EFHC2: variants seen among roughly 807,000 people sequenced by gnomAD.
EFHC2 encodes EF-hand domain containing 2, also known as EF-hand domain-containing family member C2.
EFHC2 carries 18 observed loss-of-function variants against 52.7 expected under a neutral mutation model. The observed-to-expected ratio is 0.34, with a 90% confidence interval of 0.24 to 0.51. The LOEUF (loss-of-function observed/expected upper bound fraction) is 0.51, where lower values mean the gene tolerates loss of function less well. EFHC2 is among the 20% of genes least tolerant of loss of function. The pLI is 0.97. For missense variants in EFHC2, 513 were observed against 562.5 expected, an observed-to-expected ratio of 0.91 and a Z score of 0.89; for synonymous variants, 203 against 204.1, an observed-to-expected ratio of 0.99 and a Z score of 0.04.
chrX:44,193,986 G>A (rs1468715191), intron 11 of EFHC2, among the ~76,000 whole-genome samples: 1 of 111,206 alleles, frequency 9.0e-6, no homozygotes, highest in Non-Finnish European at 1.9e-5. Flanking sequence ...TCCATGCAGT[G>A]TTCCAGAGTT....
At chrX:44,218,470 TCTTTA>T (rs1441980155) in intron 11 of EFHC2, among the ~76,000 whole-genome samples, 1 of 112,108 alleles carries the variant, frequency 8.9e-6, no homozygotes, top group Non-Finnish European at 1.9e-5. Flanking sequence ...ATTATTTTTT[TCTTTA>T]CTTTAATATA....
rs1020720608 is a variant in EFHC2 at position 44,265,037 on chromosome X, C to G, written c.383-3739G>C. On this transcript the variant is annotated intron_variant, in intron 3 of 14. Coordinates refer to ENST00000420999, the MANE Select transcript of EFHC2 (RefSeq NM_025184.4). Reference sequence around the variant, plus strand: ...AGCTTTTCCTCATCTTCATGTTTTACATTTCTCTTCCTTTGTAAAAGCCCT... The same window carrying G: ...AGCTTTTCCTCATCTTCATGTTTTAGATTTCTCTTCCTTTGTAAAAGCCCT... 7.2e-5 allele frequency among the ~76,000 whole-genome samples: 8 copies of G among 111,880 alleles called. No individual in the cohort carries two copies. In the Admixed American group the frequency reaches 7.6e-4, roughly 11 times the overall value.
intron 11 of EFHC2, among the ~76,000 whole-genome samples, chrX:44,187,272 C>G (rs1382846504): frequency 9.3e-6 from 1 of 107,244 alleles, no homozygotes; most frequent in African/African-American, 3.4e-5. Context: ...GAAATATAAC[C>G]AAGTAAACAT....
intron 1 of EFHC2, among the ~76,000 whole-genome samples, chrX:44,335,153 A>C (rs1055013806): frequency 9.0e-6 from 1 of 110,909 alleles, no homozygotes; most frequent in African/African-American, 3.3e-5. Flanking sequence ...CAAGTATTGA[A>C]TAAAAGGGGA....
chrX:44,266,213 CT>C (rs1319734638), intron 3 of EFHC2, among the ~76,000 whole-genome samples: 1 of 111,753 alleles, frequency 8.9e-6, no homozygotes, highest in Non-Finnish European at 1.9e-5. Flanking sequence ...TGGATATTGG[CT>C]TTTCCTCCTC....
chrX:44,160,099 C>T lies in EFHC2; in HGVS notation c.2148+3823G>A, dbSNP rs529253339. Among the ~76,000 whole-genome samples the T allele has an allele frequency of 3.5e-4, 39 of 111,992 alleles. No individual in the cohort carries two copies. The South Asian group carries it at 0.013, about 37-fold the overall frequency. The stretch of plus-strand genomic sequence containing the variant: ...GAACTAGGGTCCCTGTGATTGGAGA[C>T]CTTCTGTTCCACATTGCCTCTCAAA... On this transcript the variant is annotated intron_variant, in intron 14 of 14. Coordinates refer to ENST00000420999, the MANE Select transcript of EFHC2 (RefSeq NM_025184.4).
At chrX:44,189,633 C>T (rs771294636) in intron 11 of EFHC2, among the ~76,000 whole-genome samples, 2 of 111,029 alleles carry the variant, frequency 1.8e-5, no homozygotes, top group African/African-American at 6.6e-5. Flanking sequence ...GAGGTAGGCA[C>T]GGGAGTGCAT....
intron 2 of EFHC2, among the ~76,000 whole-genome samples, chrX:44,277,655 T>C (rs1344712016): frequency 9.0e-6 from 1 of 111,500 alleles, no homozygotes; most frequent in Non-Finnish European, 1.9e-5. Context: ...CCTTTATACA[T>C]GACAATATAT....
chrX:44,180,140 C>T (rs995368776), intron 11 of EFHC2, among the ~76,000 whole-genome samples: 8 of 112,089 alleles, frequency 7.1e-5, no homozygotes, highest in Non-Finnish European at 1.3e-4. Context: ...ACACAGAAGG[C>T]GGAGAGAACT....
chrX:44,227,208 A>G lies in EFHC2; in HGVS notation c.1751+2441T>C, dbSNP rs908068740. On this transcript the variant is annotated intron_variant, in intron 11 of 14. Coordinates refer to ENST00000420999, the MANE Select transcript of EFHC2 (RefSeq NM_025184.4). Reference sequence around the variant, plus strand: ...CACACACACACAAACACACACACACATACGCATACATAATGAAAGGAAAAT... The same window carrying G: ...CACACACACACAAACACACACACACGTACGCATACATAATGAAAGGAAAAT... Among the ~76,000 whole-genome samples, 3 of 111,522 alleles carry G rather than the reference A, an allele frequency of 2.7e-5. No individual in the cohort carries two copies. The Admixed American group carries it at 2.9e-4, about 11-fold the overall frequency.
At chrX:44,181,349 GA>G (rs5902341) in intron 11 of EFHC2, among the ~76,000 whole-genome samples, 4,468 of 100,889 alleles carry the variant, frequency 0.044, 200 homozygotes, top group African/African-American at 0.13. Context: ...TTGTCTAAAT[GA>G]AAAAAAAAAA....
rs779878700 is a variant in EFHC2, at chrX:44,229,641, T to A, written c.1751+8A>T. On this transcript the variant is annotated splice_region_variant and intron_variant, in intron 11 of 14. Coordinates refer to ENST00000420999, the MANE Select transcript of EFHC2 (RefSeq NM_025184.4). Reference sequence around the variant, plus strand: ...AAAACAGGTGATTGTTAGCAGAATATGGCTTACCTGAATGTATTATAATCC... The same window carrying A: ...AAAACAGGTGATTGTTAGCAGAATAAGGCTTACCTGAATGTATTATAATCC... The A allele has an allele frequency of 1.7e-6, 2 of 1,210,879 alleles. No individual in the cohort carries two copies. Among genetic ancestry groups the A allele is most frequent in the Non-Finnish European group, 2.2e-6 (2 of 895,029 alleles).
intron 13 of EFHC2, among the ~76,000 whole-genome samples, chrX:44,175,506 T>C (rs1177600482): frequency 1.8e-5 from 2 of 111,888 alleles, no homozygotes; most frequent in East Asian, 5.6e-4. Flanking sequence ...ATCAGAGCTC[T>C]TCTTCTTCTA....
chrX:44,273,939 T>C (rs753471351), intron 2 of EFHC2, among the ~76,000 whole-genome samples: 2 of 111,878 alleles, frequency 1.8e-5, no homozygotes, highest in Non-Finnish European at 3.8e-5. Flanking sequence ...ATCTACCCTC[T>C]AGGGGTGGTG....
intron 4 of EFHC2, among the ~76,000 whole-genome samples, chrX:44,251,174 G>C (rs1486784859): frequency 1.0e-5 from 1 of 96,821 alleles, no homozygotes; most frequent in African/African-American, 4.0e-5. Flanking sequence ...AGTAGGTGGA[G>C]CTTGCAGTGA....
chrX:44,189,591 G>A (rs1369471238), intron 11 of EFHC2, among the ~76,000 whole-genome samples: 2 of 111,793 alleles, frequency 1.8e-5, no homozygotes, highest in African/African-American at 6.5e-5. Context: ...TGAGCAGAGA[G>A]TTAGAAGCCC....
chrX:44,169,423 G>A (rs970659182), intron 13 of EFHC2, among the ~76,000 whole-genome samples: 5 of 110,548 alleles, frequency 4.5e-5, no homozygotes, highest in African/African-American at 9.9e-5. Context: ...CTACAGGTGC[G>A]TACCACCATG....
At chrX:44,162,298 C>T (rs2036661767) in intron 14 of EFHC2, among the ~76,000 whole-genome samples, 1 of 111,435 alleles carries the variant, frequency 9.0e-6, no homozygotes, top group African/African-American at 3.3e-5. Context: ...TGGCACACAC[C>T]TGTAATCCCA....
intron 11 of EFHC2, among the ~76,000 whole-genome samples, chrX:44,179,107 C>T (rs1220919426): frequency 9.1e-6 from 1 of 109,797 alleles, no homozygotes; most frequent in Admixed American, 9.7e-5. Flanking sequence ...GTTAAAAGAC[C>T]TATGTAAGCG....
Sources: gnomAD v4.1 joint callset for allele counts (sites outside exome capture counted in the v4.1 genomes callset) on GRCh38, gnomAD v4.1.1 for gene constraint, MANE v1.5 for transcripts, NCBI Gene and HGNC (gene_info 2026-07-23, HGNC 2026-07-21) for gene names.